HERC4: variants seen among roughly 807,000 people sequenced by gnomAD.
HERC4 encodes the protein HECT and RLD domain containing E3 ubiquitin protein ligase 4.
A neutral mutation model predicts 124.3 loss-of-function variants in HERC4; 28 were observed. The ratio of observed to expected loss-of-function variants is 0.23; its 90% CI spans 0.17 to 0.31. The LOEUF is 0.31. Among genes scored for constraint, HERC4 ranks in the 10% least tolerant of loss-of-function variants. The pLI, the probability that HERC4 is intolerant of heterozygous loss-of-function variation, is 1.00. For missense variants in HERC4, 713 were observed against 1,229.3 expected, an observed-to-expected ratio of 0.58 and a Z score of 6.28; for synonymous variants, 407 against 421.5, an observed-to-expected ratio of 0.97 and a Z score of 0.42.
intron 9 of HERC4, among the ~76,000 whole-genome samples, chr10:68,008,859 T>C (rs968938330): frequency 2.6e-5 from 4 of 152,168 alleles, no homozygotes; most frequent in African/African-American, 9.7e-5. Context: ...TCCAGACAAC[T>C]GCAATAAAGC....
chr10:68,069,184 TA>T (rs1208158949), intron 3 of HERC4: 9 of 964,342 alleles, frequency 9.3e-6, no homozygotes, highest in Non-Finnish European at 1.1e-5. Context: ...TTCCCATACT[TA>T]AAATCTTCAG....
chr10:67,977,291 T>A (rs2035650199), intron 15 of HERC4, among the ~76,000 whole-genome samples: 1 of 152,094 alleles, frequency 6.6e-6, no homozygotes, highest in African/African-American at 2.4e-5. Flanking sequence ...CTGAACAACA[T>A]TTCTAGATAC....
intron 7 of HERC4, among the ~76,000 whole-genome samples, chr10:68,027,775 T>A (rs1262877040): frequency 2.0e-5 from 3 of 151,730 alleles, no homozygotes; most frequent in African/African-American, 7.3e-5. Flanking sequence ...ATACAAAAAT[T>A]AGCTGGGCGT....
At chr10:67,959,222 TTCATA>T in intron 16 of HERC4, 1 of 1,264,000 alleles carries the variant, frequency 7.9e-7, no homozygotes, top group Non-Finnish European at 1.1e-6. Flanking sequence ...AAGGTAGCAT[TTCATA>T]TATTTTGCTA....
chr10:67,994,122 G>A (rs1012899665), intron 9 of HERC4: 15 of 152,042 alleles, frequency 9.9e-5, no homozygotes, highest in Middle Eastern at 3.2e-3. Flanking sequence ...CAAATTTTCC[G>A]TAAGTCACAA....
chr10:68,069,936 G>C lies in HERC4; in HGVS notation c.226+2947C>G, dbSNP rs553360275. The C allele has an allele frequency of 3.9e-5, 17 of 440,088 alleles. No homozygotes were observed. The South Asian group carries it at 1.6e-3, about 42-fold the overall frequency. The allele number at this position is 440,088 out of a possible 1,614,324, so 27.3% of individuals were successfully genotyped here. A position where few individuals can be genotyped will look rare whatever the true frequency, so the allele number is the denominator to read the frequency against. ...ACGCCCCTATAGTCCCACCTACTCGGGAGGCCGAGGCAGGAGAATCGCTTG... is the reference window on the plus strand; with the variant it reads ...ACGCCCCTATAGTCCCACCTACTCGCGAGGCCGAGGCAGGAGAATCGCTTG... On this transcript the variant is annotated intron_variant, in intron 3 of 24. Coordinates refer to ENST00000373700, the MANE Select transcript of HERC4 (RefSeq NM_015601.4).
chr10:67,929,817 G>T (rs1564914986), intron 23 of HERC4, among the ~76,000 whole-genome samples: 1 of 139,288 alleles, frequency 7.2e-6, no homozygotes, highest in African/African-American at 3.2e-5. Context: ...ACCCAGCTGT[G>T]CATTTTTTTT....
At chr10:68,073,222 G>T (rs1271860376) in intron 2 of HERC4, 36 bp from the exon 3 acceptor site, 1 of 723,970 alleles carries the variant, frequency 1.4e-6, no homozygotes, top group South Asian at 1.9e-5. Flanking sequence ...TGACTTCAAA[G>T]AAAAAAGGAT....
At chr10:67,992,446 A>G in intron 10 of HERC4, 123 bp from the exon 11 acceptor site, 1 of 1,301,502 alleles carries the variant, frequency 7.7e-7, no homozygotes, top group Admixed American at 2.4e-5. Context: ...ACCTGAAACA[A>G]AAACCTATCA....
At chr10:67,943,274 T>TC (rs1204962303) in intron 19 of HERC4, among the ~76,000 whole-genome samples, 1 of 152,060 alleles carries the variant, frequency 6.6e-6, no homozygotes, top group Non-Finnish European at 1.5e-5. Flanking sequence ...GTTAAATCTT[T>TC]CCCCCTCCTA....
rs1487913055 is a variant in HERC4 at position 68,059,597 on chromosome 10, TATC to T, written c.226+13283_226+13285del. On this transcript the variant is annotated intron_variant, in intron 3 of 24. Transcript: ENST00000373700. ...ATATCATATTATATATCATATTATATATCATAATATTATATATCATAATATTAT... is the reference window on the plus strand; with the variant it reads ...ATATCATATTATATATCATATTATATATAATATTATATATCATAATATTAT... Among the ~76,000 whole-genome samples, 7 of 95,790 alleles carry T rather than the reference TATC, an allele frequency of 7.3e-5. 1 individual carries two copies. The South Asian group carries it at 1.5e-3, about 20-fold the overall frequency. 62.8% of individuals were successfully genotyped at this position (95,790 alleles called of 152,430 possible). A position where few individuals can be genotyped will look rare whatever the true frequency, so the allele number is the denominator to read the frequency against.
At chr10:68,007,994 C>T (rs531105202) in intron 9 of HERC4, 2 of 152,604 alleles carry the variant, frequency 1.3e-5, no homozygotes, top group East Asian at 1.9e-4. Flanking sequence ...GGTGGGACTA[C>T]ATGCACACAC....
intron 8 of HERC4, among the ~76,000 whole-genome samples, chr10:68,018,917 T>TTC (rs2038427775): frequency 6.6e-6 from 1 of 151,150 alleles, no homozygotes; most frequent in South Asian, 2.1e-4. Context: ...TTTTTTTTTT[T>TTC]TTTGAGAGAA....
intron 3 of HERC4, 23 bp from the exon 4 acceptor site, chr10:68,044,586 T>C (rs1441170795): frequency 1.2e-6 from 2 of 1,606,464 alleles, no homozygotes; most frequent in Admixed American, 1.7e-5. Flanking sequence ...AGAAGAGAAA[T>C]ATTGCATTCT....
intron 9 of HERC4, among the ~76,000 whole-genome samples, chr10:67,997,755 A>G (rs1422134749): frequency 6.6e-6 from 1 of 152,196 alleles, no homozygotes; most frequent in Admixed American, 6.5e-5. Flanking sequence ...TTTCTTAGTA[A>G]CATAAATTTC....
At chr10:67,965,425 G>A (rs2034803069) in intron 16 of HERC4, 1 of 152,064 alleles carries the variant, frequency 6.6e-6, no homozygotes, top group African/African-American at 2.4e-5. Context: ...CTCATTGTTT[G>A]TTGAATAAGC....
In HERC4 at chr10:67,988,812, G is replaced by A. The variant is rs773806237; in HGVS notation, c.1657C>T (p.Pro553Ser). The change falls in exon 15 of 25, where the codon CCT becomes TCT. Residue 553 changes from proline to serine, a missense_variant. Coordinates refer to ENST00000373700, the MANE Select transcript of HERC4 (RefSeq NM_015601.4). ...VLENWWSVLE[P>S]PLFLKIVELF... ...TCTACTATCTTGAGGAATAGTGGAG[G>A]TTCAAGTACTGACCACCAGTTTTCT... 1 of 1,594,612 alleles carries A rather than the reference G, an allele frequency of 6.3e-7. No individual in the cohort carries two copies. The highest frequency in any genetic ancestry group is 8.5e-7 in the Non-Finnish European group (1 of 1,173,688).
At chr10:68,003,054 CAAT>C (rs2037322864) in intron 9 of HERC4, among the ~76,000 whole-genome samples, 1 of 152,004 alleles carries the variant, frequency 6.6e-6, no homozygotes, top group African/African-American at 2.4e-5. Context: ...ACAAATGTTC[CAAT>C]AATATATTTA....
chr10:67,926,361 C>T (rs1249797523), intron 23 of HERC4, among the ~76,000 whole-genome samples: 1 of 150,792 alleles, frequency 6.6e-6, no homozygotes. Context: ...TGTGCCATTG[C>T]ACTCCAGCCT....
Sources: gnomAD v4.1 joint callset for allele counts (sites outside exome capture counted in the v4.1 genomes callset) on GRCh38, gnomAD v4.1.1 for gene constraint, MANE v1.5 for transcripts, NCBI Gene and HGNC (gene_info 2026-07-23, HGNC 2026-07-21) for gene names.